Variants in AGBL4 observed in about 807,000 individuals in gnomAD.
The protein encoded by AGBL4 is AGBL carboxypeptidase 4.
Under a neutral mutation model 66.4 loss-of-function variants are expected in AGBL4, and 58 were observed. That is an observed-to-expected ratio of 0.87 (90% confidence interval 0.71 to 1.09). AGBL4 has a LOEUF of 1.09. AGBL4 is among the 50% of genes least tolerant of loss of function. The pLI is 0.00. For missense variants in AGBL4, 579 were observed against 631.0 expected, an observed-to-expected ratio of 0.92 and a Z score of 0.88; for synonymous variants, 234 against 222.9, an observed-to-expected ratio of 1.05 and a Z score of -0.44.
chr1:49,484,733 G>T (rs1446143777), intron 3 of AGBL4, among the ~76,000 whole-genome samples: 2 of 151,890 alleles, frequency 1.3e-5, no homozygotes, highest in Admixed American at 1.3e-4. Context: ...TACATTTAAA[G>T]ATAACAAAAA....
intron 11 of AGBL4, among the ~76,000 whole-genome samples, chr1:48,571,436 T>C (rs572676010): frequency 1.3e-5 from 2 of 152,346 alleles, no homozygotes; most frequent in East Asian, 1.9e-4. Context: ...CTTGGTGTAG[T>C]GTCTAGCTAG....
chr1:48,949,001 G>A (rs1235325363), intron 5 of AGBL4, among the ~76,000 whole-genome samples: 1 of 152,164 alleles, frequency 6.6e-6, no homozygotes, highest in Non-Finnish European at 1.5e-5. Flanking sequence ...TGAGGAACCA[G>A]GAAATTAGAA....
downstream of AGBL4, among the ~76,000 whole-genome samples, chr1:48,530,103 A>G (rs907656238): frequency 4.6e-5 from 7 of 151,924 alleles, no homozygotes; most frequent in Non-Finnish European, 7.4e-5. Flanking sequence ...TTTTGACCTG[A>G]TTTTACCTGG....
chr1:49,194,647 A>G (rs1647190510), intron 4 of AGBL4, among the ~76,000 whole-genome samples: 2 of 151,890 alleles, frequency 1.3e-5, no homozygotes, highest in African/African-American at 4.8e-5. Flanking sequence ...GGTGGGATGG[A>G]GTGCAATGGC....
At chr1:49,776,087 G>A (rs184604486) in intron 2 of AGBL4, among the ~76,000 whole-genome samples, 1 of 152,230 alleles carries the variant, frequency 6.6e-6, no homozygotes, top group African/African-American at 2.4e-5. Context: ...ACAATGCTGA[G>A]TAATAGAGTA....
chr1:48,650,198 C>T (rs904393578), intron 8 of AGBL4, among the ~76,000 whole-genome samples: 1 of 152,222 alleles, frequency 6.6e-6, no homozygotes, highest in Non-Finnish European at 1.5e-5. Context: ...CAGAGAGGAG[C>T]AGGGCTAGGT....
At chr1:49,282,570 C>T (rs559055197) in intron 3 of AGBL4, among the ~76,000 whole-genome samples, 17 of 152,300 alleles carry the variant, frequency 1.1e-4, no homozygotes, top group South Asian at 2.1e-4. Flanking sequence ...GCGTGAGCGA[C>T]GCAGAAGACA....
chr1:49,652,527 T>C (rs902147205), intron 3 of AGBL4, among the ~76,000 whole-genome samples: 3 of 152,126 alleles, frequency 2.0e-5, no homozygotes, highest in Non-Finnish European at 4.4e-5. Context: ...TTGCATTGTC[T>C]GGTTCTGGAA....
intron 1 of AGBL4, among the ~76,000 whole-genome samples, chr1:49,956,747 G>A (rs1656642020): frequency 1.3e-5 from 2 of 152,012 alleles, no homozygotes; most frequent in South Asian, 4.1e-4. Context: ...CCCATGAGGT[G>A]CCTCATGGAA....
At chr1:49,320,536 G>A (rs1402795848) in intron 3 of AGBL4, among the ~76,000 whole-genome samples, 2 of 152,002 alleles carry the variant, frequency 1.3e-5, no homozygotes, top group Non-Finnish European at 2.9e-5. Flanking sequence ...AGGTAACTAT[G>A]AAAATGCGAG....
intron 1 of AGBL4, among the ~76,000 whole-genome samples, chr1:49,969,712 A>C (rs1646750093): frequency 6.6e-6 from 1 of 152,188 alleles, no homozygotes; most frequent in Non-Finnish European, 1.5e-5. Flanking sequence ...AAAGCTGAAA[A>C]ATACACCATT....
rs1025551914 is a variant in AGBL4, at chr1:48,813,192, C to T, written c.634+53999G>A. 2.2e-4 allele frequency among the ~76,000 whole-genome samples: 34 copies of T among 151,932 alleles called. 1 individual carries two copies. Among genetic ancestry groups the T allele is most frequent in the Admixed American group, 1.6e-3 (24 of 15,256 alleles). The stretch of plus-strand genomic sequence containing the variant: ...TTGAAACACAGAAGAGGCACCTAAC[C>T]CAGATTGGAGGCAAAGTGAGGTAGT... On this transcript the variant is annotated intron_variant, in intron 6 of 13. Transcript: ENST00000371839.
intron 3 of AGBL4, among the ~76,000 whole-genome samples, chr1:49,654,941 A>C (rs1316754710): frequency 6.6e-6 from 1 of 152,094 alleles, no homozygotes; most frequent in African/African-American, 2.4e-5. Context: ...TCATATTGTT[A>C]TGTGTGAATT....
At chr1:48,854,392 T>G (rs1021441445) in intron 6 of AGBL4, among the ~76,000 whole-genome samples, 1 of 152,168 alleles carries the variant, frequency 6.6e-6, no homozygotes, top group Non-Finnish European at 1.5e-5. Flanking sequence ...AAGCCCTCCT[T>G]AGGTCCAAGA....
chr1:49,023,717 G>A (rs746066841), intron 5 of AGBL4, among the ~76,000 whole-genome samples: 3 of 152,062 alleles, frequency 2.0e-5, no homozygotes, highest in African/African-American at 7.2e-5. Context: ...CTTATCCATC[G>A]CCATTAACTT....
At chr1:49,546,822 AT>A (rs1451798716) in intron 3 of AGBL4, among the ~76,000 whole-genome samples, 3 of 152,126 alleles carry the variant, frequency 2.0e-5, no homozygotes, top group African/African-American at 7.2e-5. Context: ...AGAACTGTCT[AT>A]TAATGTGCTT....
intron 3 of AGBL4, among the ~76,000 whole-genome samples, chr1:49,515,887 G>T (rs1390946181): frequency 8.2e-6 from 1 of 122,048 alleles, no homozygotes; most frequent in African/African-American, 3.1e-5. Context: ...GGGGCCTGTT[G>T]TGGGGTGGGG....
At chr1:49,733,979 A>G (rs141884135) in intron 2 of AGBL4, among the ~76,000 whole-genome samples, 94 of 152,314 alleles carry the variant, frequency 6.2e-4, no homozygotes, top group African/African-American at 2.2e-3. Context: ...TTGGTTTCAT[A>G]TCCAAAAATC....
intron 5 of AGBL4, among the ~76,000 whole-genome samples, chr1:48,996,279 T>C (rs1313881041): frequency 2.0e-5 from 3 of 152,224 alleles, no homozygotes; most frequent in Non-Finnish European, 2.9e-5. Context: ...GTTGAAAATG[T>C]AGATATGGAA....
Sources: allele counts gnomAD v4.1 joint callset (sites outside exome capture counted in the v4.1 genomes callset), GRCh38; gene constraint gnomAD v4.1.1; transcripts MANE v1.5; gene names NCBI Gene and HGNC (gene_info 2026-07-23, HGNC 2026-07-21).